The following CADM2 variants were observed in gnomAD, a reference collection of about 807,000 sequenced individuals.
CADM2 encodes the protein cell adhesion molecule 2.
Under a neutral mutation model 49.8 loss-of-function variants are expected in CADM2, and 12 were observed. The observed-to-expected ratio is 0.24, with a 90% CI of 0.15 to 0.39. The LOEUF (loss-of-function observed/expected upper bound fraction) is 0.39. Ranked by LOEUF, CADM2 falls within the 10% of genes least tolerant of loss-of-function variation. The pLI is 1.00. For synonymous variants in CADM2, 214 were observed against 175.4 expected (o/e 1.22, Z -1.74); for missense variants, 378 against 492.3 (o/e 0.77, Z 2.20).
chr3:85,290,489 A>C (rs570344192), intron 1 of CADM2, among the ~76,000 whole-genome samples: 4 of 152,328 alleles, frequency 2.6e-5, no homozygotes, highest in South Asian at 2.1e-4. Context: ...GGGGGCAGGG[A>C]ACAGACAAAC....
intron 5 of CADM2, among the ~76,000 whole-genome samples, chr3:85,890,488 A>G (rs1463879536): frequency 6.6e-6 from 1 of 152,066 alleles, no homozygotes; most frequent in Non-Finnish European, 1.5e-5. Context: ...TTGCATTGTC[A>G]TGGTTAGATT....
intron 1 of CADM2, among the ~76,000 whole-genome samples, chr3:85,016,328 T>C (rs1164087256): frequency 2.6e-5 from 4 of 152,196 alleles, no homozygotes. Context: ...CAAAACCATT[T>C]CCAACAAGCC....
intron 8 of CADM2, among the ~76,000 whole-genome samples, chr3:86,009,346 A>G (rs1217647733): frequency 1.3e-5 from 2 of 148,960 alleles, no homozygotes; most frequent in Non-Finnish European, 3.0e-5. Flanking sequence ...TTTCTCTGGA[A>G]CCTGATCCTC....
chr3:85,602,313 C>T (rs2063429123), intron 1 of CADM2, among the ~76,000 whole-genome samples: 2 of 151,710 alleles, frequency 1.3e-5, no homozygotes, highest in African/African-American at 4.8e-5. Flanking sequence ...AATATAAGAA[C>T]GTACTTTAGG....
chr3:85,721,434 G>A (rs9824483), intron 1 of CADM2, among the ~76,000 whole-genome samples: 3,913 of 152,226 alleles, frequency 0.026, 150 homozygotes, highest in African/African-American at 0.087. Context: ...CACTTGGCCT[G>A]GCAGGATGCA....
chr3:85,978,389 G>A (rs1376408547), intron 8 of CADM2, among the ~76,000 whole-genome samples: 1 of 151,546 alleles, frequency 6.6e-6, no homozygotes, highest in African/African-American at 2.4e-5. Context: ...GAGGTTCAAT[G>A]TTACACTTCA....
rs775337182 is a variant in CADM2, at chr3:85,886,177, G to A, written c.392-13G>A. On this transcript the variant is annotated splice_polypyrimidine_tract_variant and intron_variant, in intron 4 of 9. Coordinates refer to ENST00000383699, the MANE Select transcript of CADM2 (RefSeq NM_001167675.2). ...AAGATTGATGCTCACTTCATCATTC[G>A]CTTAAATTTCAGGTGTTCCTGAAAA... 35 of 1,610,698 alleles carry A rather than the reference G, an allele frequency of 2.2e-5. No homozygotes were observed. The highest frequency in any genetic ancestry group is 3.3e-5 in the South Asian group (3 of 90,734).
At chr3:85,368,461 G>A (rs2032960530) in intron 1 of CADM2, among the ~76,000 whole-genome samples, 1 of 151,424 alleles carries the variant, frequency 6.6e-6, no homozygotes, top group Non-Finnish European at 1.5e-5. Flanking sequence ...TAAGCAGTTG[G>A]TATCAGAGAG....
At chr3:85,323,850 G>A (rs1576349656) in intron 1 of CADM2, among the ~76,000 whole-genome samples, 1 of 152,248 alleles carries the variant, frequency 6.6e-6, no homozygotes, top group East Asian at 1.9e-4. Context: ...TCTTTCTGAA[G>A]TACAGATGTG....
At chr3:85,636,300 T>C (rs2107535762) in intron 1 of CADM2, among the ~76,000 whole-genome samples, 1 of 152,280 alleles carries the variant, frequency 6.6e-6, no homozygotes, top group South Asian at 2.1e-4. Flanking sequence ...CTAATGTGTG[T>C]GTTTTTGCCT....
chr3:85,638,670 G>T (rs997838058), intron 1 of CADM2, among the ~76,000 whole-genome samples: 4 of 151,858 alleles, frequency 2.6e-5, no homozygotes, highest in Admixed American at 2.0e-4. Context: ...AATGCTGTTG[G>T]ATGACTCTTA....
chr3:85,088,503 A>G (rs1007448504), intron 1 of CADM2, among the ~76,000 whole-genome samples: 2 of 152,070 alleles, frequency 1.3e-5, no homozygotes, highest in Admixed American at 6.6e-5. Flanking sequence ...ACCACCTTTT[A>G]TTTTTCTGGC....
At chr3:85,988,318 T>G (rs1262257128) in intron 8 of CADM2, among the ~76,000 whole-genome samples, 1 of 152,188 alleles carries the variant, frequency 6.6e-6, no homozygotes, top group African/African-American at 2.4e-5. Flanking sequence ...GCCAGAAAAT[T>G]AAAAGCTACT....
intron 1 of CADM2, among the ~76,000 whole-genome samples, chr3:85,422,572 C>G (rs182609849): frequency 6.6e-6 from 1 of 152,204 alleles, no homozygotes; most frequent in Non-Finnish European, 1.5e-5. Flanking sequence ...CCACCTCACC[C>G]AGCCCAGTCT....
intron 1 of CADM2, among the ~76,000 whole-genome samples, chr3:85,064,196 G>A (rs2036439496): frequency 1.3e-5 from 2 of 152,044 alleles, no homozygotes; most frequent in Non-Finnish European, 2.9e-5. Flanking sequence ...AGTGTGAGAT[G>A]GAGAGGACTA....
chr3:86,000,847 AT>A (rs1484296984), intron 8 of CADM2, among the ~76,000 whole-genome samples: 1 of 152,130 alleles, frequency 6.6e-6, no homozygotes, highest in African/African-American at 2.4e-5. Context: ...CCTAGGAGTG[AT>A]TAAGGAAGAG....
chr3:85,216,498 C>T (rs528999386), intron 1 of CADM2, among the ~76,000 whole-genome samples: 64 of 151,668 alleles, frequency 4.2e-4, no homozygotes, highest in African/African-American at 1.5e-3. Context: ...TGATCATATT[C>T]TTTGCTGCAA....
chr3:85,473,716 T>C (rs777923874), intron 1 of CADM2, among the ~76,000 whole-genome samples: 1 of 152,124 alleles, frequency 6.6e-6, no homozygotes, highest in Non-Finnish European at 1.5e-5. Flanking sequence ...AACTTTGTGT[T>C]ATAATTTATA....
chr3:85,382,855 T>G (rs1299538903), intron 1 of CADM2, among the ~76,000 whole-genome samples: 1 of 152,156 alleles, frequency 6.6e-6, no homozygotes, highest in African/African-American at 2.4e-5. Flanking sequence ...AAAAATTTTA[T>G]CGAAAAACTA....
Sources: allele counts gnomAD v4.1 joint callset (sites outside exome capture counted in the v4.1 genomes callset), GRCh38; gene constraint gnomAD v4.1.1; transcripts MANE v1.5; gene names NCBI Gene and HGNC (gene_info 2026-07-23, HGNC 2026-07-21).